The following CTTNBP2 variants were observed in gnomAD, a reference collection of about 807,000 sequenced individuals.
The protein encoded by CTTNBP2 is cortactin-binding protein 2.
Under a neutral mutation model 156.9 loss-of-function variants are expected in CTTNBP2, and 108 were observed. That is an observed-to-expected ratio of 0.69 (90% CI 0.59 to 0.81). CTTNBP2 has a LOEUF of 0.81. Ranked by LOEUF, CTTNBP2 falls within the 30% of genes least tolerant of loss-of-function variation. The pLI is 0.00. For synonymous variants in CTTNBP2, 767 were observed against 751.8 expected (o/e 1.02, Z -0.33); for missense variants, 1,924 against 2,035.4 (o/e 0.95, Z 1.05).
At chr7:117,796,722 C>A (rs1474593741) in intron 3 of CTTNBP2, among the ~76,000 whole-genome samples, 1 of 152,138 alleles carries the variant, frequency 6.6e-6, no homozygotes, top group Admixed American at 6.5e-5. Context: ...TGTGACTTTG[C>A]ACTATATTTC....
In CTTNBP2 at chr7:117,757,977, T is replaced by C. The variant is rs2116633063; in HGVS notation, c.3173-7A>G. ...ACTGACCACGGCACATTTCCTAGTTTCAAAAAATGAAATAAAATGTCAAGG... is the reference window on the plus strand; with the variant it reads ...ACTGACCACGGCACATTTCCTAGTTCCAAAAAATGAAATAAAATGTCAAGG... On this transcript the variant is annotated splice_region_variant and splice_polypyrimidine_tract_variant and intron_variant, in intron 10 of 22. Coordinates refer to ENST00000160373, the MANE Select transcript of CTTNBP2 (RefSeq NM_033427.3). 6.2e-7 allele frequency: 1 copy of C among 1,607,580 alleles called. No individual in the cohort carries two copies.
chr7:117,758,137 A>T (rs1796992263), intron 10 of CTTNBP2, 167 bp from the exon 11 acceptor site: 10 of 560,800 alleles, frequency 1.8e-5, no homozygotes, highest in Non-Finnish European at 3.1e-5. Context: ...TAGCTCCCTA[A>T]TGAAATTCTT....
chr7:117,748,941 T>C (rs1178748874), intron 12 of CTTNBP2, among the ~76,000 whole-genome samples: 4 of 152,282 alleles, frequency 2.6e-5, no homozygotes, highest in South Asian at 2.1e-4. Context: ...CACTTGAGGA[T>C]TGAATGAAAA....
At position 117,838,967 on chromosome 7, in the gene CTTNBP2, CGG is replaced by C. The variant is rs67694603; in HGVS notation, c.189+22240_189+22241del. On this transcript the variant is annotated intron_variant, in intron 2 of 22. Transcript: ENST00000160373. ...ATAATGTATAGTAACATTGCGGGGGCGGGGGGGGGGCTTTTAAAAAAAATCCT... is the reference window on the plus strand; with the variant it reads ...ATAATGTATAGTAACATTGCGGGGGCGGGGGGGGCTTTTAAAAAAAATCCT... Among the ~76,000 whole-genome samples, 27 of 94,966 alleles carry C rather than the reference CGG, an allele frequency of 2.8e-4. 1 individual carries two copies. Among genetic ancestry groups the C allele is most frequent in the Middle Eastern group, 5.6e-3 (1 of 178 alleles). The allele number at this position is 94,966 out of a possible 152,430, so 62.3% of individuals were successfully genotyped here.
chr7:117,773,742 A>G (rs1270317382), intron 8 of CTTNBP2, among the ~76,000 whole-genome samples: 1 of 151,460 alleles, frequency 6.6e-6, no homozygotes, highest in African/African-American at 2.4e-5. Flanking sequence ...ACAAATAGAA[A>G]GCCTGGTCAG....
Position 117,819,692 on chromosome 7 carries a change from A to T in CTTNBP2, c.190-8703T>A, listed in dbSNP as rs544607693. On this transcript the variant is annotated intron_variant, in intron 2 of 22. Coordinates refer to ENST00000160373, the MANE Select transcript of CTTNBP2 (RefSeq NM_033427.3). Reference sequence around the variant, plus strand: ...CATGGCGTCAAATGATTTTCTGTGCAATGCTGAGAATGTCAGAGAAGAGGT... The same window carrying T: ...CATGGCGTCAAATGATTTTCTGTGCTATGCTGAGAATGTCAGAGAAGAGGT... 4.6e-5 allele frequency among the ~76,000 whole-genome samples: 7 copies of T among 152,226 alleles called. No homozygotes were observed. The East Asian group carries it at 1.4e-3, about 29-fold the overall frequency.
At chr7:117,760,383 C>G (rs1392024744) in intron 10 of CTTNBP2, 52 bp downstream of exon 10, 1 of 1,562,168 alleles carries the variant, frequency 6.4e-7, no homozygotes, top group Non-Finnish European at 8.8e-7. Flanking sequence ...AACCCACAAA[C>G]ATAAATAAAC....
intron 1 of CTTNBP2, 147 bp downstream of exon 1, chr7:117,873,188 G>GGAAGGGGGGCCCCGAT (rs1804747193): frequency 5.1e-6 from 3 of 587,042 alleles, no homozygotes; most frequent in Non-Finnish European, 7.6e-6. Context: ...GGCATCCCGA[G>GGAAGGGGGGCCCCGAT]GAAGGGGGGC....
intron 4 of CTTNBP2, among the ~76,000 whole-genome samples, chr7:117,785,874 C>T (rs1455464358): frequency 6.6e-6 from 1 of 152,144 alleles, no homozygotes; most frequent in South Asian, 2.1e-4. Flanking sequence ...CCTGCATGTC[C>T]TTTCTTAGCA....
chr7:117,870,360 C>T (rs1044719707), intron 1 of CTTNBP2, among the ~76,000 whole-genome samples: 12 of 152,178 alleles, frequency 7.9e-5, no homozygotes, highest in Non-Finnish European at 1.3e-4. Context: ...TTTAAAAAAA[C>T]GCTTAGCGCA....
chr7:117,800,360 T>C (rs1415633563), intron 3 of CTTNBP2, among the ~76,000 whole-genome samples: 1 of 152,072 alleles, frequency 6.6e-6, no homozygotes, highest in Non-Finnish European at 1.5e-5. Flanking sequence ...ACTTATTGGG[T>C]AGGTACTGCA....
At chr7:117,865,643 G>A (rs1301905767) in intron 1 of CTTNBP2, among the ~76,000 whole-genome samples, 2 of 134,258 alleles carry the variant, frequency 1.5e-5, no homozygotes, top group East Asian at 4.4e-4. Context: ...TGCCACTCCA[G>A]CCTGGTGACA....
At chr7:117,820,271 C>T (rs916309854) in intron 2 of CTTNBP2, among the ~76,000 whole-genome samples, 1 of 152,180 alleles carries the variant, frequency 6.6e-6, no homozygotes, top group Admixed American at 6.5e-5. Context: ...TATTAAGACT[C>T]CAGACAGCCA....
At position 117,871,844 on chromosome 7, in the gene CTTNBP2, T is replaced by TCACACACACACACACACACACACACACA. The variant is rs71150640; in HGVS notation, c.81+1463_81+1490dup. The TCACACACACACACACACACACACACACA allele has an allele frequency of 6.3e-3, 1,874 of 298,112 alleles. 66 individuals carry two copies. The highest frequency in any genetic ancestry group is 0.029 in the African/African-American group (859 of 30,058). 18.5% of individuals were successfully genotyped at this position (298,112 alleles called of 1,614,324 possible). ...CCTCTTTCTTTTTCGTCCTTCCCCTTCACACACACACACACACACACACAC... is the reference window on the plus strand; with the variant it reads ...CCTCTTTCTTTTTCGTCCTTCCCCTTCACACACACACACACACACACACACACACACACACACACACACACACACACAC... On this transcript the variant is annotated intron_variant, in intron 1 of 22. Transcript: ENST00000160373.
chr7:117,829,630 C>T (rs1442433992), intron 2 of CTTNBP2, among the ~76,000 whole-genome samples: 1 of 152,216 alleles, frequency 6.6e-6, no homozygotes, highest in Non-Finnish European at 1.5e-5. Context: ...TTCTCACTAT[C>T]TCCCCATGTG....
rs1803710269 is a variant in CTTNBP2, at chr7:117,861,150, T to C, written c.189+59A>G. 52 of 990,626 alleles carry C rather than the reference T, an allele frequency of 5.2e-5. 2 individuals are homozygous for C. In the South Asian group the frequency reaches 7.1e-4, roughly 13 times the overall value. 61.4% of individuals were successfully genotyped at this position (990,626 alleles called of 1,614,324 possible). On this transcript the variant is annotated intron_variant, in intron 2 of 22. Coordinates refer to ENST00000160373, the MANE Select transcript of CTTNBP2 (RefSeq NM_033427.3). ...AATTAAGAAAAAGAAGGTTTGCCAA[T>C]GGCTCTTTGAAAAAAGCAAATGATC...
chr7:117,840,862 G>A (rs1352561640), intron 2 of CTTNBP2, among the ~76,000 whole-genome samples: 2 of 152,112 alleles, frequency 1.3e-5, no homozygotes, highest in Non-Finnish European at 2.9e-5. Flanking sequence ...TCTGGGTAGT[G>A]CAATACAGCT....
intron 12 of CTTNBP2, among the ~76,000 whole-genome samples, chr7:117,754,722 G>A (rs771421885): frequency 5.9e-5 from 9 of 152,298 alleles, no homozygotes; most frequent in Non-Finnish European, 1.0e-4. Flanking sequence ...GATTAAAGAA[G>A]TCTTTTATGT....
Position 117,792,579 on chromosome 7 carries a change from G to T in CTTNBP2, c.617C>A (p.Thr206Lys). The change falls in exon 4 of 23, where the codon ACG (threonine) becomes AAG (lysine). Residue 206 changes from threonine to lysine, a missense_variant. Physicochemically the swap from Thr to Lys is moderately conservative, Grantham distance 78. Coordinates refer to ENST00000160373, the MANE Select transcript of CTTNBP2 (RefSeq NM_033427.3). The surrounding 1 kb of genome is among the most constrained non-coding windows in gnomAD (Gnocchi z 4.2). ...MAKLEEEKKK[T>K]NELEEELSAE... ...GGAGAGTTCCTCTTCTAATTCATTC[G>T]TCTTTTTCTTTTCCTCTTCCAGTTT... 2 of 1,614,032 alleles carry T rather than the reference G, an allele frequency of 1.2e-6. No homozygotes were observed. Among genetic ancestry groups the T allele is most frequent in the Non-Finnish European group, 1.7e-6 (2 of 1,180,008 alleles).
Sources: allele counts gnomAD v4.1 joint callset (sites outside exome capture counted in the v4.1 genomes callset), GRCh38; gene constraint gnomAD v4.1.1; non-coding constraint Gnocchi (gnomAD v3.1); transcripts MANE v1.5; gene names NCBI Gene and HGNC (gene_info 2026-07-23, HGNC 2026-07-21).